Variants in FUT8 observed in about 807,000 individuals in gnomAD.
FUT8 encodes the protein fucosyltransferase 8.
A neutral mutation model predicts 71.3 loss-of-function variants in FUT8; 29 were observed. The ratio of observed to expected loss-of-function variants is 0.41; its 90% confidence interval spans 0.30 to 0.55. The LOEUF (loss-of-function observed/expected upper bound fraction) is 0.55, where lower values mean the gene tolerates loss of function less well. Among genes scored for constraint, FUT8 ranks in the 20% least tolerant of loss-of-function variants. FUT8 has a pLI of 0.34. For synonymous variants in FUT8, 254 were observed against 239.3 expected (o/e 1.06, Z -0.57); for missense variants, 544 against 702.1 (o/e 0.77, Z 2.55).
chr14:65,496,842 G>A (rs889150072), intron 2 of FUT8, among the ~76,000 whole-genome samples: 3 of 152,094 alleles, frequency 2.0e-5, no homozygotes, highest in African/African-American at 2.4e-5. Context: ...TGTTGTTGCC[G>A]TGGTGCTTCA....
chr14:65,368,297 C>T, the FUT8 span, among the ~76,000 whole-genome samples: 7 of 95,696 alleles, frequency 7.3e-5, no homozygotes, highest in African/African-American at 1.7e-4. Flanking sequence ...TTGTGATCCG[C>T]CCGCCTCGGC....
At chr14:65,516,684 AATG>A (rs1309593357) in intron 2 of FUT8, among the ~76,000 whole-genome samples, 1 of 152,114 alleles carries the variant, frequency 6.6e-6, no homozygotes, top group African/African-American at 2.4e-5. Context: ...TATTTGGGCA[AATG>A]ATTATTAAAA....
intron 2 of FUT8, among the ~76,000 whole-genome samples, chr14:65,464,948 G>T (rs939791764): frequency 3.3e-5 from 5 of 152,206 alleles, no homozygotes; most frequent in African/African-American, 9.7e-5. Flanking sequence ...ATTATCTTGA[G>T]TGTGGTGCTT....
rs140732087 is a variant in FUT8, at chr14:65,702,021, C to T, written c.836-19754C>T. ...TGTCTCTGACTCCTAGCTGAGTGAC[C>T]TTAAATAAGGTGCTTAACCTCAGCT... On this transcript the variant is annotated intron_variant, in intron 7 of 10. Transcript: ENST00000673929. Among the ~76,000 whole-genome samples the T allele has an allele frequency of 5.0e-3, 756 of 152,276 alleles. 3 individuals carry two copies. Among genetic ancestry groups the T allele is most frequent in the Middle Eastern group, 0.01 (3 of 294 alleles).
the FUT8 span, among the ~76,000 whole-genome samples, chr14:65,374,601 G>GTT: frequency 1.6e-4 from 23 of 144,886 alleles, no homozygotes; most frequent in East Asian, 4.1e-4. Context: ...TGTTTTTTTT[G>GTT]TTTTTTTTTT....
chr14:65,738,003 T>C (rs1327399408), intron 10 of FUT8, among the ~76,000 whole-genome samples: 1 of 152,114 alleles, frequency 6.6e-6, no homozygotes, highest in Non-Finnish European at 1.5e-5. Context: ...TGGATACCTG[T>C]TGAGAGTACC....
At chr14:65,727,369 A>T (rs544535261) in intron 9 of FUT8, among the ~76,000 whole-genome samples, 1 of 152,300 alleles carries the variant, frequency 6.6e-6, no homozygotes, top group African/African-American at 2.4e-5. Context: ...ACATCCTCTG[A>T]AATCCAGGCA....
At chr14:65,614,639 T>C (rs1271166420) in intron 3 of FUT8, among the ~76,000 whole-genome samples, 2 of 152,214 alleles carry the variant, frequency 1.3e-5, no homozygotes, top group African/African-American at 2.4e-5. Flanking sequence ...TCTTCCTTGC[T>C]CATGGTTGCT....
chr14:65,616,668 A>G (rs1392355702), intron 5 of FUT8, among the ~76,000 whole-genome samples: 10 of 152,178 alleles, frequency 6.6e-5, no homozygotes, highest in Admixed American at 5.9e-4. Context: ...CTTTCTATAA[A>G]TGTTCTTTAT....
At chr14:65,582,840 G>C (rs1887164712) in intron 3 of FUT8, among the ~76,000 whole-genome samples, 2 of 152,168 alleles carry the variant, frequency 1.3e-5, no homozygotes, top group Non-Finnish European at 2.9e-5. Context: ...GAGCCCAGTT[G>C]ATTTGGGGAA....
At chr14:65,495,051 A>G (rs938256447) in intron 2 of FUT8, among the ~76,000 whole-genome samples, 1 of 151,998 alleles carries the variant, frequency 6.6e-6, no homozygotes, top group Non-Finnish European at 1.5e-5. Context: ...AGTGTGAAAC[A>G]TGGTGTTTGT....
Position 65,603,032 on chromosome 14 carries a change from G to A in FUT8, c.204-12946G>A, listed in dbSNP as rs541016592. Among the ~76,000 whole-genome samples the A allele has an allele frequency of 1.2e-3, 186 of 151,762 alleles. 2 individuals carry two copies. Among genetic ancestry groups the A allele is most frequent in the African/African-American group, 4.2e-3 (176 of 41,460 alleles). On this transcript the variant is annotated intron_variant, in intron 3 of 10. Coordinates refer to ENST00000673929, the MANE Select transcript of FUT8 (RefSeq NM_001371533.1). This position sits in a 1 kb window ranked among gnomAD's most constrained non-coding sequence, Gnocchi z 4.5. ...AGTCCCACCTGTTTGTTTTTGTTAC[G>A]TTTGCTTTTGAAGTCTTCGCCTAAG... is the stretch of plus-strand genomic sequence containing the variant.
chr14:65,554,401 G>GTT (rs201905501), intron 2 of FUT8, among the ~76,000 whole-genome samples: 19 of 135,250 alleles, frequency 1.4e-4, no homozygotes, highest in Non-Finnish European at 2.4e-4. Context: ...TATGGTTTGG[G>GTT]TTTTTTTTTT....
intron 7 of FUT8, among the ~76,000 whole-genome samples, chr14:65,672,829 CA>C (rs773762198): frequency 6.8e-4 from 103 of 152,208 alleles, no homozygotes; most frequent in Non-Finnish European, 1.2e-3. Flanking sequence ...GACTAGCTTT[CA>C]AAATGCTTTT....
intron 1 of FUT8, among the ~76,000 whole-genome samples, chr14:65,429,828 C>T (rs185153245): frequency 1.6e-4 from 21 of 131,298 alleles, no homozygotes; most frequent in South Asian, 5.2e-4. Context: ...TGTACCACTG[C>T]GCTCCAGCCT....
At chr14:65,703,287 C>T (rs938467195) in intron 7 of FUT8, among the ~76,000 whole-genome samples, 4 of 152,212 alleles carry the variant, frequency 2.6e-5, no homozygotes, top group African/African-American at 4.8e-5. Flanking sequence ...GCCCTGTTTG[C>T]TACATGTATC....
chr14:65,450,141 A>G (rs1037539410), intron 1 of FUT8, among the ~76,000 whole-genome samples: 8 of 152,276 alleles, frequency 5.3e-5, no homozygotes, highest in Middle Eastern at 3.4e-3. Context: ...ATGAGACTCA[A>G]TGGGCCATTT....
intron 9 of FUT8, among the ~76,000 whole-genome samples, chr14:65,726,940 C>T (rs28823043): frequency 0.062 from 9,481 of 152,222 alleles, 526 homozygotes; most frequent in African/African-American, 0.14. Flanking sequence ...GGGCTACAGG[C>T]CCCATGCAAG....
chr14:65,442,963 T>G (rs1016101675), intron 1 of FUT8, among the ~76,000 whole-genome samples: 5 of 152,146 alleles, frequency 3.3e-5, no homozygotes, highest in Non-Finnish European at 7.3e-5. Context: ...AACTATGGGC[T>G]TTAGTTAATA....
Sources: allele counts gnomAD v4.1 joint callset (sites outside exome capture counted in the v4.1 genomes callset), GRCh38; gene constraint gnomAD v4.1.1; non-coding constraint Gnocchi (gnomAD v3.1); transcripts MANE v1.5; gene names NCBI Gene and HGNC (gene_info 2026-07-23, HGNC 2026-07-21).